SCN1A: variants seen among roughly 807,000 people sequenced by gnomAD.
SCN1A encodes the protein sodium channel protein type 1 subunit alpha.
A neutral mutation model predicts 193.7 loss-of-function variants in SCN1A; 13 were observed. The ratio of observed to expected loss-of-function variants is 0.07; its 90% confidence interval spans 0.04 to 0.11. SCN1A has a LOEUF of 0.11. Among genes scored for constraint, SCN1A ranks in the 10% least tolerant of loss-of-function variants. SCN1A has a pLI of 1.00. For synonymous variants in SCN1A, 781 were observed against 843.6 expected, an observed-to-expected ratio of 0.93 and a Z score of 1.29; for missense variants, 1,432 against 2,451.1, an observed-to-expected ratio of 0.58 and a Z score of 8.78.
chr2:166,125,957 G>C (rs1231324156), intron 2 of SCN1A, among the ~76,000 whole-genome samples: 1 of 152,034 alleles, frequency 6.6e-6, no homozygotes, highest in Non-Finnish European at 1.5e-5. Context: ...GAACACTCTG[G>C]GTATCCTGGC....
chr2:166,002,454 A>C lies in SCN1A; in HGVS notation c.4284+18T>G. ...TTCCAAACAATAAAAATATTCAGAG[A>C]AAATAGTGTTCACTTACAACTTGAA... is the stretch of plus-strand genomic sequence containing the variant. On this transcript the variant is annotated intron_variant, in intron 24 of 28. Transcript: ENST00000674923. The C allele has an allele frequency of 6.2e-7, 1 of 1,604,022 alleles. No homozygotes were observed. Among genetic ancestry groups the C allele is most frequent in the Non-Finnish European group, 8.5e-7 (1 of 1,172,572 alleles).
intron 24 of SCN1A, 91 bp from the exon 25 acceptor site, chr2:165,999,867 A>T: frequency 1.9e-6 from 2 of 1,029,020 alleles, no homozygotes; most frequent in South Asian, 1.3e-5. Flanking sequence ...AATTTTCAAA[A>T]GGGAATATTT....
chr2:166,033,763 T>C (rs7571204), intron 19 of SCN1A, among the ~76,000 whole-genome samples: 112,173 of 152,054 alleles, frequency 0.74, 41,768 homozygotes, highest in East Asian at 0.89. Flanking sequence ...AAAAAAACAA[T>C]AAGAGTAAGA....
intron 1 of SCN1A, among the ~76,000 whole-genome samples, chr2:166,145,816 G>T (rs1692298615): frequency 6.6e-6 from 1 of 152,096 alleles, no homozygotes; most frequent in Admixed American, 6.5e-5. Context: ...TATGGTGAAT[G>T]GTTCTAAATT....
chr2:166,072,828 CTCT>C (rs1241571724), intron 4 of SCN1A, among the ~76,000 whole-genome samples: 2 of 141,582 alleles, frequency 1.4e-5, no homozygotes, highest in African/African-American at 5.8e-5. Flanking sequence ...CTCCCACCCT[CTCT>C]TCTTTCTTTT....
intron 4 of SCN1A, among the ~76,000 whole-genome samples, chr2:166,061,493 C>T (rs1683302041): frequency 6.6e-6 from 1 of 152,092 alleles, no homozygotes; most frequent in Non-Finnish European, 1.5e-5. Flanking sequence ...CATTCTAGCT[C>T]TCCACACCAC....
At position 165,995,864 on chromosome 2, in the gene SCN1A, A is replaced by G; in HGVS notation, c.4581+149T>C. ...AATTTTTTTTGTTGTTACCATTATC[A>G]TAAAAGATACAAACATCACTTTTAG... On this transcript the variant is annotated intron_variant, in intron 27 of 28. Coordinates refer to ENST00000674923, the MANE Select transcript of SCN1A (RefSeq NM_001165963.4). 6 of 632,778 alleles carry G rather than the reference A, an allele frequency of 9.5e-6. No homozygotes were observed. In the South Asian group the frequency reaches 1.1e-4, roughly 11 times the overall value. The allele number at this position is 632,778 out of a possible 1,614,324, so 39.2% of individuals were successfully genotyped here.
Position 166,035,966 on chromosome 2 carries a change from C to T in SCN1A, c.3429+82G>A, listed in dbSNP as rs1696283787. 3.6e-6 allele frequency: 5 copies of T among 1,400,864 alleles called. No individual in the cohort carries two copies. In the South Asian group the frequency reaches 5.0e-5, roughly 14 times the overall value. The allele number at this position is 1,400,864 out of a possible 1,614,324, so 86.8% of individuals were successfully genotyped here. A position where few individuals can be genotyped will look rare whatever the true frequency, so the allele number is the denominator to read the frequency against. Reference sequence around the variant, plus strand: ...AAAAAAAAATCTTAAGTCAAAACATCATTAAGCTGAGGATCATCTGTATGT... The same window carrying T: ...AAAAAAAAATCTTAAGTCAAAACATTATTAAGCTGAGGATCATCTGTATGT... On this transcript the variant is annotated intron_variant, in intron 19 of 28. Transcript: ENST00000674923.
chr2:166,074,439 A>T (rs1684791811), intron 3 of SCN1A, among the ~76,000 whole-genome samples: 1 of 149,834 alleles, frequency 6.7e-6, no homozygotes, highest in South Asian at 2.1e-4. Flanking sequence ...ATGATCAGAA[A>T]GAAGTCAGGG....
intron 4 of SCN1A, among the ~76,000 whole-genome samples, chr2:166,069,185 G>A (rs1006791889): frequency 2.6e-5 from 4 of 152,292 alleles, no homozygotes; most frequent in Admixed American, 2.6e-4. Flanking sequence ...AGACCACTGA[G>A]TCAGAGCTAA....
At chr2:166,066,944 A>G (rs563547489) in intron 4 of SCN1A, among the ~76,000 whole-genome samples, 2 of 152,080 alleles carry the variant, frequency 1.3e-5, no homozygotes, top group African/African-American at 2.4e-5. Context: ...TACCTCCCCA[A>G]CCTCACCTTA....
intron 19 of SCN1A, among the ~76,000 whole-genome samples, chr2:166,032,065 G>A (rs1695631656): frequency 6.6e-6 from 1 of 151,954 alleles, no homozygotes; most frequent in Non-Finnish European, 1.5e-5. Flanking sequence ...TTGTAGATAA[G>A]TCATTACTGG....
chr2:166,033,986 A>G (rs1695991377), intron 19 of SCN1A, among the ~76,000 whole-genome samples: 1 of 125,886 alleles, frequency 7.9e-6, no homozygotes, highest in Non-Finnish European at 1.7e-5. Context: ...TAAAGACAAC[A>G]ATTTTTCAAA....
At chr2:166,120,459 A>G (rs1690422736) in intron 2 of SCN1A, among the ~76,000 whole-genome samples, 1 of 151,430 alleles carries the variant, frequency 6.6e-6, no homozygotes, top group African/African-American at 2.4e-5. Flanking sequence ...GCAATTTTAT[A>G]TAGAATTAAA....
intron 4 of SCN1A, chr2:166,060,777 G>A (rs1447933238): frequency 6.6e-6 from 1 of 152,354 alleles, no homozygotes; most frequent in Non-Finnish European, 1.5e-5. Context: ...CAGGAGAACA[G>A]GAGAATCGCT....
At chr2:166,116,443 A>G (rs1689867899) in intron 2 of SCN1A, among the ~76,000 whole-genome samples, 1 of 152,226 alleles carries the variant, frequency 6.6e-6, no homozygotes, top group Non-Finnish European at 1.5e-5. Context: ...TGAAAAATGT[A>G]CTAACTTGTG....
At chr2:166,003,857 AT>A (rs772797378) in intron 23 of SCN1A, among the ~76,000 whole-genome samples, 3 of 116,288 alleles carry the variant, frequency 2.6e-5, no homozygotes, top group Admixed American at 9.9e-5. Context: ...TTTTAGAACA[AT>A]TTTTTTTAAC....
intron 22 of SCN1A, 56 bp downstream of exon 22, chr2:166,012,053 G>T: frequency 6.7e-7 from 1 of 1,501,562 alleles, no homozygotes; most frequent in South Asian, 1.1e-5. Context: ...TGTAGAATTT[G>T]AATATAAATA....
intron 8 of SCN1A, among the ~76,000 whole-genome samples, chr2:166,052,520 G>C (rs1465911627): frequency 2.0e-5 from 3 of 151,106 alleles, no homozygotes; most frequent in Non-Finnish European, 4.4e-5. Context: ...GATTTGCATT[G>C]TATACACATA....
Sources: allele counts gnomAD v4.1 joint callset (sites outside exome capture counted in the v4.1 genomes callset), GRCh38; gene constraint gnomAD v4.1.1; transcripts MANE v1.5; gene names NCBI Gene and HGNC (gene_info 2026-07-23, HGNC 2026-07-21).